Variants in GALNTL6 observed in about 807,000 individuals in gnomAD.
GALNTL6 encodes the protein polypeptide N-acetylgalactosaminyltransferase-like 6.
Under a neutral mutation model 73.7 loss-of-function variants are expected in GALNTL6, and 46 were observed. That is an observed-to-expected ratio of 0.62 (90% CI 0.49 to 0.80). The LOEUF is 0.80. GALNTL6 is among the 30% of genes least tolerant of loss of function. The pLI is 0.00. For missense variants in GALNTL6, 604 were observed against 755.0 expected (o/e 0.80, Z 2.34); for synonymous variants, 259 against 263.7 (o/e 0.98, Z 0.17).
chr4:172,300,123 A>G (rs2111119357), intron 3 of GALNTL6, among the ~76,000 whole-genome samples: 1 of 152,258 alleles, frequency 6.6e-6, no homozygotes, highest in South Asian at 2.1e-4. Flanking sequence ...ACCATTATGT[A>G]ATGGCCTTCT....
intron 5 of GALNTL6, among the ~76,000 whole-genome samples, chr4:172,778,792 T>C (rs904268368): frequency 4.6e-5 from 7 of 152,296 alleles, no homozygotes; most frequent in Admixed American, 4.6e-4. Flanking sequence ...CTACAAGGAC[T>C]GAAAAAGTCA....
chr4:172,476,987 C>G (rs899625486), intron 5 of GALNTL6, among the ~76,000 whole-genome samples: 1 of 146,276 alleles, frequency 6.8e-6, no homozygotes, highest in Admixed American at 6.9e-5. Flanking sequence ...TGCAGTGGCA[C>G]GATCTCGGCT....
rs114931386 is a variant in GALNTL6 at position 172,039,999 on chromosome 4, C to T, written c.139-189657C>T. Reference sequence around the variant, plus strand: ...TGCAATCCATATAAATTTGATTAAACGAACAAACAAAAATGTTAGTCCTAT... The same window carrying T: ...TGCAATCCATATAAATTTGATTAAATGAACAAACAAAAATGTTAGTCCTAT... On this transcript the variant is annotated intron_variant, in intron 2 of 12. Coordinates refer to ENST00000506823, the MANE Select transcript of GALNTL6 (RefSeq NM_001034845.3). Among the ~76,000 whole-genome samples, 610 of 151,914 alleles carry T rather than the reference C, an allele frequency of 4.0e-3. 9 individuals are homozygous for T. The highest frequency in any genetic ancestry group is 0.014 in the African/African-American group (572 of 41,452).
rs1173143079 is a variant in GALNTL6 at position 172,444,980 on chromosome 4, G to C, written c.553+96291G>C. 2.0e-5 allele frequency among the ~76,000 whole-genome samples: 3 copies of C among 152,110 alleles called. No homozygotes were observed. In the East Asian group the frequency reaches 5.8e-4, roughly 29 times the overall value. ...TAGATGTGGCTGAGAATGCAGCCAT[G>C]ACTGTAACTCTGTCATTAAGCTATG... On this transcript the variant is annotated intron_variant, in intron 5 of 12. Transcript: ENST00000506823.
chr4:172,320,781 A>C (rs2111163298), intron 4 of GALNTL6, among the ~76,000 whole-genome samples: 1 of 152,350 alleles, frequency 6.6e-6, no homozygotes, highest in African/African-American at 2.4e-5. Flanking sequence ...GGATATGGTC[A>C]GGAAAGAGAG....
chr4:172,544,347 G>A (rs1426167984), intron 5 of GALNTL6, among the ~76,000 whole-genome samples: 1 of 152,074 alleles, frequency 6.6e-6, no homozygotes, highest in Non-Finnish European at 1.5e-5. Flanking sequence ...CCACATCTCT[G>A]CTATGAGTTG....
At chr4:171,928,992 T>G (rs1738082766) in intron 2 of GALNTL6, among the ~76,000 whole-genome samples, 1 of 152,200 alleles carries the variant, frequency 6.6e-6, no homozygotes, top group Non-Finnish European at 1.5e-5. Context: ...CATTAATATA[T>G]TCTACATTTC....
At chr4:171,965,704 T>C (rs1426125346) in intron 2 of GALNTL6, among the ~76,000 whole-genome samples, 1 of 148,692 alleles carries the variant, frequency 6.7e-6, no homozygotes, top group African/African-American at 2.5e-5. Flanking sequence ...TAATACCATA[T>C]GAATTACACC....
intron 2 of GALNTL6, among the ~76,000 whole-genome samples, chr4:172,042,442 T>A (rs1208464883): frequency 1.3e-5 from 2 of 152,010 alleles, no homozygotes; most frequent in Non-Finnish European, 2.9e-5. Flanking sequence ...CCAGACATAA[T>A]CATATATCCA....
At chr4:171,959,190 A>G (rs73867199) in intron 2 of GALNTL6, among the ~76,000 whole-genome samples, 1,697 of 152,300 alleles carry the variant, frequency 0.011, 31 homozygotes, top group African/African-American at 0.037. Context: ...CAAAATATGT[A>G]ATTCTAAGGG....
At chr4:172,490,484 T>C (rs2110744477) in intron 5 of GALNTL6, among the ~76,000 whole-genome samples, 1 of 152,286 alleles carries the variant, frequency 6.6e-6, no homozygotes, top group South Asian at 2.1e-4. Flanking sequence ...TATTTCAAAC[T>C]CTTCATATTA....
intron 3 of GALNTL6, among the ~76,000 whole-genome samples, chr4:172,296,985 T>C (rs540819940): frequency 0.016 from 2,413 of 152,276 alleles, 21 homozygotes; most frequent in Non-Finnish European, 0.025. Flanking sequence ...ACCAACAGCG[T>C]AAAAGTGTTC....
chr4:172,370,754 C>G (rs900713798), intron 5 of GALNTL6, among the ~76,000 whole-genome samples: 1 of 152,080 alleles, frequency 6.6e-6, no homozygotes, highest in African/African-American at 2.4e-5. Flanking sequence ...ACACTCTTCC[C>G]CTAAGAAGGT....
chr4:172,552,870 A>G lies in GALNTL6; in HGVS notation c.553+204181A>G, dbSNP rs531885870. 6.8e-4 allele frequency among the ~76,000 whole-genome samples: 102 copies of G among 149,920 alleles called. 1 individual carries two copies. Among genetic ancestry groups the G allele is most frequent in the African/African-American group, 2.4e-3 (98 of 40,820 alleles). On this transcript the variant is annotated intron_variant, in intron 5 of 12. Coordinates refer to ENST00000506823, the MANE Select transcript of GALNTL6 (RefSeq NM_001034845.3). ...AAAAAAAAAAAAAGGTAAAAACCGC[A>G]ATTACTTTTGCACCAACCTAATAAC...
chr4:172,227,973 T>C (rs568348236), intron 2 of GALNTL6, among the ~76,000 whole-genome samples: 23 of 152,350 alleles, frequency 1.5e-4, no homozygotes, highest in African/African-American at 4.8e-4. Flanking sequence ...ATTAGTGTTA[T>C]CTAAATCAGT....
At chr4:172,376,945 C>G (rs530972205) in intron 5 of GALNTL6, among the ~76,000 whole-genome samples, 1 of 152,080 alleles carries the variant, frequency 6.6e-6, no homozygotes. Context: ...AGGAGTGAAG[C>G]TGGAGACCTT....
chr4:172,146,007 A>G (rs559772450), intron 2 of GALNTL6, among the ~76,000 whole-genome samples: 1 of 152,242 alleles, frequency 6.6e-6, no homozygotes, highest in Non-Finnish European at 1.5e-5. Flanking sequence ...ATTTTAAACA[A>G]GGTCTCTTTG....
intron 5 of GALNTL6, among the ~76,000 whole-genome samples, chr4:172,711,524 T>C (rs111244766): frequency 6.6e-6 from 1 of 151,768 alleles, no homozygotes. Context: ...ATAAAGGGAG[T>C]CAAAATTGAA....
At chr4:172,240,231 T>TGTTG (rs1278101759) in intron 3 of GALNTL6, among the ~76,000 whole-genome samples, 1 of 151,828 alleles carries the variant, frequency 6.6e-6, no homozygotes, top group Non-Finnish European at 1.5e-5. Flanking sequence ...TTTGTTTGTT[T>TGTTG]GTTTGTTTTT....
Sources: allele counts gnomAD v4.1 joint callset (sites outside exome capture counted in the v4.1 genomes callset), GRCh38; gene constraint gnomAD v4.1.1; transcripts MANE v1.5; gene names NCBI Gene and HGNC (gene_info 2026-07-23, HGNC 2026-07-21).